Variants in TMEM132B observed in about 807,000 individuals in gnomAD.
The protein encoded by TMEM132B is transmembrane protein 132B.
A neutral mutation model predicts 90.8 loss-of-function variants in TMEM132B; 18 were observed. That is an observed-to-expected ratio of 0.20 (90% CI 0.14 to 0.29). The LOEUF is 0.29. Ranked by LOEUF, TMEM132B falls within the 10% of genes least tolerant of loss-of-function variation. The pLI is 1.00. For synonymous variants in TMEM132B, 504 were observed against 523.3 expected, an observed-to-expected ratio of 0.96 and a Z score of 0.50; for missense variants, 1,096 against 1,326.8, an observed-to-expected ratio of 0.83 and a Z score of 2.70.
intron 3 of TMEM132B, among the ~76,000 whole-genome samples, chr12:125,481,031 C>T (rs1420295057): frequency 6.6e-6 from 1 of 152,142 alleles, no homozygotes; most frequent in Non-Finnish European, 1.5e-5. Flanking sequence ...TCAATAGACA[C>T]AGAAAAGGCC....
At chr12:125,187,376 G>A (rs1365417807) in intron 1 of TMEM132B, among the ~76,000 whole-genome samples, 1 of 152,052 alleles carries the variant, frequency 6.6e-6, no homozygotes, top group Non-Finnish European at 1.5e-5. Context: ...CACGCCCCGC[G>A]GCCCTCCCCT....
chr12:125,645,013 C>T (rs373420880), intron 6 of TMEM132B, among the ~76,000 whole-genome samples: 1 of 151,840 alleles, frequency 6.6e-6, no homozygotes, highest in Non-Finnish European at 1.5e-5. Flanking sequence ...GTCTGGAGAT[C>T]GACACCATCC....
At chr12:125,360,668 A>G (rs756462851) in intron 2 of TMEM132B, among the ~76,000 whole-genome samples, 2 of 152,100 alleles carry the variant, frequency 1.3e-5, no homozygotes, top group Non-Finnish European at 2.9e-5. Context: ...AGGAAGTGAC[A>G]TCAGGTTAAG....
rs2136938140 is a variant in TMEM132B, at chr12:125,608,848, G to A, written c.1437+24854G>A. Among the ~76,000 whole-genome samples the A allele has an allele frequency of 1.5e-5, 2 of 129,660 alleles. 1 individual carries two copies. Among genetic ancestry groups the A allele is most frequent in the South Asian group, 5.1e-4 (2 of 3,960 alleles). The allele number at this position is 129,660 out of a possible 152,430, so 85.1% of individuals were successfully genotyped here. On this transcript the variant is annotated intron_variant, in intron 5 of 8. Transcript: ENST00000682704. The stretch of plus-strand genomic sequence containing the variant: ...TCTTTTCTCCCATTGCATTGCTGTG[G>A]CACCTTTGAAAAAAAAATCAATGGA...
intron 3 of TMEM132B, among the ~76,000 whole-genome samples, chr12:125,488,499 G>A (rs945010037): frequency 2.0e-5 from 3 of 152,116 alleles, no homozygotes; most frequent in African/African-American, 7.2e-5. Flanking sequence ...TGCTGTTCTC[G>A]TGATAGTGAA....
intron 4 of TMEM132B, among the ~76,000 whole-genome samples, chr12:125,573,482 A>G (rs1271274973): frequency 2.0e-5 from 3 of 152,220 alleles, no homozygotes; most frequent in African/African-American, 4.8e-5. Flanking sequence ...GTGGAAAACA[A>G]ACCTAACTAG....
intron 4 of TMEM132B, among the ~76,000 whole-genome samples, chr12:125,576,387 G>A (rs1412472129): frequency 6.6e-6 from 1 of 151,952 alleles, no homozygotes; most frequent in African/African-American, 2.4e-5. Context: ...GAATTTTCTA[G>A]GTATGGGATC....
At chr12:125,589,310 G>A (rs931861888) in intron 5 of TMEM132B, among the ~76,000 whole-genome samples, 6 of 151,962 alleles carry the variant, frequency 3.9e-5, no homozygotes, top group East Asian at 1.9e-4. Context: ...GTGAAACCCT[G>A]TCTCTACTAA....
intron 4 of TMEM132B, among the ~76,000 whole-genome samples, chr12:125,538,374 C>T (rs907121922): frequency 6.6e-6 from 1 of 152,116 alleles, no homozygotes; most frequent in African/African-American, 2.4e-5. Flanking sequence ...GTTGGGCGGC[C>T]ATCACCAATT....
At position 125,561,520 on chromosome 12, in the gene TMEM132B, TA is replaced by T. The variant is rs1884533117; in HGVS notation, c.1294-22324del. 2.6e-5 allele frequency among the ~76,000 whole-genome samples: 4 copies of T among 152,114 alleles called. No individual in the cohort carries two copies. In the South Asian group the frequency reaches 8.3e-4, roughly 32 times the overall value. ...ATGTATCCCAGAACTTAAGGTATAA[TA>T]AAAAAATTAAAAAAAGAAATGCATT... On this transcript the variant is annotated intron_variant, in intron 4 of 8. Transcript: ENST00000682704.
chr12:125,441,817 T>C (rs1212542906), intron 3 of TMEM132B, among the ~76,000 whole-genome samples: 2 of 152,236 alleles, frequency 1.3e-5, no homozygotes, highest in African/African-American at 4.8e-5. Context: ...AATGGGGATT[T>C]TGTTGCAGGC....
chr12:125,253,643 A>G (rs753132893), intron 1 of TMEM132B, among the ~76,000 whole-genome samples: 35 of 152,080 alleles, frequency 2.3e-4, no homozygotes, highest in Admixed American at 7.2e-4. Context: ...CATATTTCCC[A>G]GGCTGGTCTC....
Position 125,263,990 on chromosome 12 carries a change from A to G in TMEM132B, c.67+77124A>G, listed in dbSNP as rs189435836. ...GGAAATTCAGTGGCTTACACACACA[A>G]ATCTATTATCTTACTGTCTAGAGGT... is the stretch of plus-strand genomic sequence containing the variant. On this transcript the variant is annotated intron_variant, in intron 1 of 8. Transcript: ENST00000682704. Among the ~76,000 whole-genome samples the G allele has an allele frequency of 1.2e-3, 186 of 152,332 alleles. 1 individual carries two copies. Among genetic ancestry groups the G allele is most frequent in the African/African-American group, 4.1e-3 (172 of 41,568 alleles).
In TMEM132B at chr12:125,227,035, G is replaced by A. The variant is rs900587938; in HGVS notation, c.67+40169G>A. Among the ~76,000 whole-genome samples the A allele has an allele frequency of 7.2e-5, 11 of 152,176 alleles. 1 individual carries two copies. The highest frequency in any genetic ancestry group is 7.2e-4 in the Admixed American group (11 of 15,284). On this transcript the variant is annotated intron_variant, in intron 1 of 8. Coordinates refer to ENST00000682704, the MANE Select transcript of TMEM132B (RefSeq NM_001366854.1). ...TCCATTTTCACTTAAGGATGTTCCC[G>A]GTATGTGAGGCAGTGATGAACAAAA...
At chr12:125,366,060 A>G (rs569559133) in intron 2 of TMEM132B, among the ~76,000 whole-genome samples, 1 of 147,960 alleles carries the variant, frequency 6.8e-6, no homozygotes, top group African/African-American at 2.5e-5. Flanking sequence ...TCTACTCTCT[A>G]CCTCCAAGAG....
chr12:125,556,818 G>A (rs1482135827), intron 4 of TMEM132B, among the ~76,000 whole-genome samples: 3 of 152,046 alleles, frequency 2.0e-5, no homozygotes, highest in Non-Finnish European at 2.9e-5. Context: ...GCAGTGCCAC[G>A]ATCTCGGCTC....
At position 125,227,460 on chromosome 12, in the gene TMEM132B, C is replaced by G. The variant is rs374806358; in HGVS notation, c.67+40594C>G. Among the ~76,000 whole-genome samples the G allele has an allele frequency of 2.9e-4, 44 of 152,270 alleles. 1 individual carries two copies. Among genetic ancestry groups the G allele is most frequent in the African/African-American group, 1.0e-3 (42 of 41,558 alleles). ...GACCCAGGTGGTCTGGGTCCATAAC[C>G]TGTCATTTTAATGACTGTGCTCTGT... On this transcript the variant is annotated intron_variant, in intron 1 of 8. Transcript: ENST00000682704.
At chr12:125,566,835 CTTTTTTTTTTT>C (rs869196346) in intron 4 of TMEM132B, among the ~76,000 whole-genome samples, 2 of 78,738 alleles carry the variant, frequency 2.5e-5, no homozygotes, top group African/African-American at 6.1e-5. Context: ...TCTTCTTCTT[CTTTTTTTTTTT>C]TTTTTTTTTT....
At chr12:125,541,809 G>A (rs1336596517) in intron 4 of TMEM132B, among the ~76,000 whole-genome samples, 2 of 151,442 alleles carry the variant, frequency 1.3e-5, no homozygotes, top group Admixed American at 6.6e-5. Flanking sequence ...CACGAGGTCA[G>A]GAGATCGAGA....
Sources: allele counts gnomAD v4.1 joint callset (sites outside exome capture counted in the v4.1 genomes callset), GRCh38; gene constraint gnomAD v4.1.1; transcripts MANE v1.5; gene names NCBI Gene and HGNC (gene_info 2026-07-23, HGNC 2026-07-21).